The following TOP1MT variants were observed in gnomAD, a reference collection of about 807,000 sequenced individuals.
The protein encoded by TOP1MT is DNA topoisomerase I, mitochondrial.
Under a neutral mutation model 73.9 loss-of-function variants are expected in TOP1MT, and 80 were observed. That is an observed-to-expected ratio of 1.08 (90% CI 0.90 to 1.30). The LOEUF is 1.30. Among genes scored for constraint, TOP1MT ranks in the 50% most tolerant of loss-of-function variants. The pLI is 0.00. For synonymous variants in TOP1MT, 338 were observed against 326.4 expected, an observed-to-expected ratio of 1.04 and a Z score of -0.38; for missense variants, 815 against 808.0, an observed-to-expected ratio of 1.01 and a Z score of -0.10.
chr8:143,328,802 C>T (rs572078674), intron 3 of TOP1MT, among the ~76,000 whole-genome samples: 9 of 152,312 alleles, frequency 5.9e-5, no homozygotes, highest in East Asian at 5.8e-4. Flanking sequence ...CAGTCAGGGG[C>T]GAGCCTCGCA....
intron 8 of TOP1MT, among the ~76,000 whole-genome samples, chr8:143,318,546 C>T (rs1260021442): frequency 5.9e-5 from 9 of 152,176 alleles, no homozygotes; most frequent in Admixed American, 6.5e-5. Context: ...AACCCTGCTC[C>T]GAGGAAACGC....
chr8:143,317,657 G>C (rs1195640654), intron 10 of TOP1MT, 66 bp downstream of exon 10: 1 of 1,439,456 alleles, frequency 6.9e-7, no homozygotes, highest in East Asian at 2.3e-5. Context: ...GGGCCAGCCG[G>C]GGAGCCCGGT....
intron 1 of TOP1MT, chr8:143,332,558 G>C (rs1197374304): frequency 7.8e-7 from 1 of 1,289,342 alleles, no homozygotes; most frequent in Non-Finnish European, 1.0e-6. Flanking sequence ...GGCCTGGTCG[G>C]CTGGGATGAG....
At chr8:143,317,897 C>T (rs764998349) in intron 9 of TOP1MT, 60 bp from the exon 10 acceptor site, 7 of 1,597,028 alleles carry the variant, frequency 4.4e-6, no homozygotes, top group Admixed American at 3.4e-5. Context: ...CAGCCTCCCG[C>T]GGGAAGGAAA....
chr8:143,312,761 CTA>C (rs1311334138), intron 12 of TOP1MT, among the ~76,000 whole-genome samples: 6 of 152,224 alleles, frequency 3.9e-5, no homozygotes, highest in Non-Finnish European at 8.8e-5. Flanking sequence ...AAAAGTAAAA[CTA>C]TCTCTGTTTG....
At chr8:143,309,685 G>A (rs1815948998) in intron 13 of TOP1MT, 142 bp from the exon 14 acceptor site, 3 of 1,518,788 alleles carry the variant, frequency 2.0e-6, no homozygotes, top group Non-Finnish European at 2.6e-6. Flanking sequence ...GCTCCTCTAG[G>A]CCAACCCCAC....
rs1453989431 is a variant in TOP1MT at position 143,317,752 on chromosome 8, A to G, written c.1301T>C (p.Leu434Pro). 1 of 1,614,054 alleles carries G rather than the reference A, an allele frequency of 6.2e-7. No individual in the cohort carries two copies. The change falls in exon 10 of 14, where the codon CTG (leucine) becomes CCG (proline). Residue 434 changes from leucine to proline, a missense_variant. Physicochemically the swap from Leu to Pro is moderately conservative, Grantham distance 98. Transcript: ENST00000329245. ...VFRTYNASIT[L>P]QEQLRALTRA... The stretch of plus-strand genomic sequence containing the variant: ...CGTCAGGGCCCGCAGCTGCTCCTGC[A>G]GAGTGATGGAGGCGTTGTAGGTCCG...
intron 2 of TOP1MT, among the ~76,000 whole-genome samples, chr8:143,342,842 T>C (rs1026551411): frequency 2.7e-5 from 4 of 145,766 alleles, no homozygotes; most frequent in Non-Finnish European, 5.9e-5. Flanking sequence ...TGGAGTGCAG[T>C]GGCGTGATCT....
chr8:143,326,583 C>G (rs889384929), intron 3 of TOP1MT, among the ~76,000 whole-genome samples: 1 of 152,186 alleles, frequency 6.6e-6, no homozygotes, highest in Non-Finnish European at 1.5e-5. Context: ...GCGGAGGGCA[C>G]AGTTCTCCAA....
chr8:143,313,059 A>G (rs923540110), intron 12 of TOP1MT, among the ~76,000 whole-genome samples: 12 of 152,228 alleles, frequency 7.9e-5, no homozygotes, highest in Non-Finnish European at 4.4e-5. Flanking sequence ...TCCACATGCA[A>G]GAGAATGACC....
Position 143,329,479 on chromosome 8 carries a change from C to G in TOP1MT, c.239-8G>C. On this transcript the variant is annotated splice_region_variant and splice_polypyrimidine_tract_variant and intron_variant, in intron 2 of 13. Coordinates refer to ENST00000329245, the MANE Select transcript of TOP1MT (RefSeq NM_052963.3). ...TCAATCTCACAGGCCTTCCTGCAGGCATCGGAAGACACATCGTATGAGAGA... is the reference window on the plus strand; with the variant it reads ...TCAATCTCACAGGCCTTCCTGCAGGGATCGGAAGACACATCGTATGAGAGA... The G allele has an allele frequency of 6.2e-7, 1 of 1,606,240 alleles. No individual in the cohort carries two copies. Among genetic ancestry groups the G allele is most frequent in the East Asian group, 2.3e-5 (1 of 44,438 alleles).
chr8:143,325,365 C>A lies in TOP1MT; in HGVS notation c.652G>T (p.Val218Leu), dbSNP rs139942348. Residue 218 changes from valine to leucine, a missense_variant, in exon 5 of 14, where the codon GTG (valine) becomes TTG (leucine). Physicochemically the swap from Val to Leu is conservative, Grantham distance 32. Coordinates refer to ENST00000329245, the MANE Select transcript of TOP1MT (RefSeq NM_052963.3). ...ACGCACCTGCTGCAGTTGATAACCA[C>A]ATCCTCTGGCGTGATCCTTCTCTTC... ...MLKRRITPED[V>L]VINCSRDSKI... The A allele has an allele frequency of 5.6e-6, 9 of 1,595,566 alleles. No individual in the cohort carries two copies. The African/African-American group carries it at 1.2e-4, about 21-fold the overall frequency.
intron 2 of TOP1MT, among the ~76,000 whole-genome samples, chr8:143,330,793 G>A (rs1816831997): frequency 6.6e-6 from 1 of 152,196 alleles, no homozygotes; most frequent in Non-Finnish European, 1.5e-5. Flanking sequence ...GCCTCTGAGG[G>A]TGGCTCAGCG....
At chr8:143,347,732 C>T (rs1014421778), upstream of TOP1MT, among the ~76,000 whole-genome samples, 4 of 147,070 alleles carry the variant, frequency 2.7e-5, no homozygotes, top group Admixed American at 6.9e-5. Context: ...AGCCAGCCAG[C>T]GGGGAAGAGT....
At chr8:143,332,567 A>C in intron 1 of TOP1MT, 1 of 1,289,418 alleles carries the variant, frequency 7.8e-7, no homozygotes, top group South Asian at 1.2e-5. Flanking sequence ...GGCTGGGATG[A>C]GTGTCCTCAG....
At position 143,325,338 on chromosome 8, in the gene TOP1MT, C is replaced by G; in HGVS notation, c.671+8G>C. On this transcript the variant is annotated splice_region_variant and intron_variant, in intron 5 of 13. Coordinates refer to ENST00000329245, the MANE Select transcript of TOP1MT (RefSeq NM_052963.3). ...CAGTGCCCGCCTGCTGCCCGCCCGG[C>G]CACGCACCTGCTGCAGTTGATAACC... The G allele has an allele frequency of 6.3e-7, 1 of 1,581,062 alleles. No individual in the cohort carries two copies. Among genetic ancestry groups the G allele is most frequent in the Non-Finnish European group, 8.6e-7 (1 of 1,157,298 alleles).
rs1276377925 is a variant in TOP1MT at position 143,350,477 on chromosome 8, G to A, written c.-39+5488C>T. Among the ~76,000 whole-genome samples the A allele has an allele frequency of 3.9e-5, 6 of 152,180 alleles. No individual in the cohort carries two copies. The South Asian group carries it at 6.2e-4, about 16-fold the overall frequency. On this transcript the variant is annotated intron_variant, in intron 1 of 5. Coordinates refer to the TOP1MT transcript ENST00000518760. ...CTCCTGAGTAGCTGGGATTACAGGC[G>A]CCTGCCACCATGCCTGGCTAATTTT...
chr8:143,334,650 GCCGTCCC>G, intron 1 of TOP1MT, 83 bp downstream of exon 1: 1 of 1,543,932 alleles, frequency 6.5e-7, no homozygotes, highest in Non-Finnish European at 8.7e-7. Flanking sequence ...GCAGGGCAAG[GCCGTCCC>G]ACGAGGCCTG....
Position 143,341,824 on chromosome 8 carries a change from CTTCTTCT to C in TOP1MT, c.29+1389_29+1395del, listed in dbSNP as rs1207051809. Among the ~76,000 whole-genome samples the C allele has an allele frequency of 6.7e-6, 1 of 148,226 alleles. No homozygotes were observed. The highest frequency in any genetic ancestry group is 1.9e-4 in the East Asian group (1 of 5,200). On this transcript the variant is annotated intron_variant, in intron 2 of 5. Coordinates refer to the TOP1MT transcript ENST00000518007. The surrounding 1 kb of genome is among the most constrained non-coding windows in gnomAD (Gnocchi z 4.1). ...TGCCCCATCTAGTGCTTCCTTCTTC[CTTCTTCT>C]TCCTCTTCTTCCTCCTCCTCCTCCT... is the stretch of plus-strand genomic sequence containing the variant.
Sources: gnomAD v4.1 joint callset for allele counts (sites outside exome capture counted in the v4.1 genomes callset) on GRCh38, gnomAD v4.1.1 for gene constraint, Gnocchi (gnomAD v3.1) non-coding constraint, MANE v1.5 for transcripts, NCBI Gene and HGNC (gene_info 2026-07-23, HGNC 2026-07-21) for gene names.